SORCS2: variants seen among roughly 807,000 people sequenced by gnomAD.
The protein encoded by SORCS2 is sortilin related VPS10 domain containing receptor 2.
Under a neutral mutation model 141.6 loss-of-function variants are expected in SORCS2, and 100 were observed. The ratio of observed to expected loss-of-function variants is 0.71; its 90% CI spans 0.60 to 0.83. SORCS2 has a LOEUF of 0.83. Among genes scored for constraint, SORCS2 ranks in the 40% least tolerant of loss-of-function variants. The probability of loss-of-function intolerance (pLI) is 0.00; values close to 1 mark genes in which losing one functional copy is unlikely to be tolerated. For missense variants in SORCS2, 1,646 were observed against 1,560.2 expected (o/e 1.05, Z -0.93); for synonymous variants, 789 against 676.9 (o/e 1.17, Z -2.57).
chr4:7,495,890 T>C (rs1731586447), intron 2 of SORCS2, among the ~76,000 whole-genome samples: 1 of 152,156 alleles, frequency 6.6e-6, no homozygotes, highest in Admixed American at 6.5e-5. Flanking sequence ...GGTGCCTGCA[T>C]GCTTTACCTG....
intron 1 of SORCS2, among the ~76,000 whole-genome samples, chr4:7,374,981 A>G (rs533274378): frequency 6.6e-6 from 1 of 152,256 alleles, no homozygotes; most frequent in Non-Finnish European, 1.5e-5. Context: ...GCAAATTGAC[A>G]TTTGTATCCT....
At chr4:7,730,595 G>A (rs1711584092) in intron 23 of SORCS2, among the ~76,000 whole-genome samples, 1 of 152,176 alleles carries the variant, frequency 6.6e-6, no homozygotes, top group Non-Finnish European at 1.5e-5. Context: ...CAGCATGGAC[G>A]AACCTTGAAA....
intron 1 of SORCS2, among the ~76,000 whole-genome samples, chr4:7,250,635 A>C (rs1166037450): frequency 6.6e-6 from 1 of 152,246 alleles, no homozygotes; most frequent in Non-Finnish European, 1.5e-5. Flanking sequence ...GTGTATGAAC[A>C]AGAAAAGGAC....
At chr4:7,524,711 C>G (rs1325996953) in intron 2 of SORCS2, among the ~76,000 whole-genome samples, 1 of 151,976 alleles carries the variant, frequency 6.6e-6, no homozygotes, top group Non-Finnish European at 1.5e-5. Context: ...GCCTCCTTAA[C>G]CGCATCTCTC....
intron 3 of SORCS2, among the ~76,000 whole-genome samples, chr4:7,590,075 G>A (rs1375835979): frequency 6.6e-6 from 1 of 152,172 alleles, no homozygotes; most frequent in African/African-American, 2.4e-5. Flanking sequence ...CTGTTGCAAA[G>A]GTCTGTCTCT....
At chr4:7,355,554 G>C (rs549192920) in intron 1 of SORCS2, among the ~76,000 whole-genome samples, 2 of 152,094 alleles carry the variant, frequency 1.3e-5, no homozygotes, top group African/African-American at 4.8e-5. Flanking sequence ...TGGCTCTGCC[G>C]TCCCCAGGGG....
chr4:7,211,285 G>C (rs1577279842), intron 1 of SORCS2, among the ~76,000 whole-genome samples: 2 of 152,116 alleles, frequency 1.3e-5, no homozygotes, highest in South Asian at 4.1e-4. Context: ...GCAGAGTTCA[G>C]GGATGGCAAG....
At chr4:7,355,669 G>A (rs751189579) in intron 1 of SORCS2, among the ~76,000 whole-genome samples, 13 of 152,280 alleles carry the variant, frequency 8.5e-5, no homozygotes, top group Non-Finnish European at 1.0e-4. Context: ...GGCAGCTTTG[G>A]AGCCTAGGGT....
intron 2 of SORCS2, among the ~76,000 whole-genome samples, chr4:7,410,194 A>G (rs1376156422): frequency 6.6e-6 from 1 of 152,236 alleles, no homozygotes; most frequent in East Asian, 1.9e-4. Context: ...ATAATGTTGG[A>G]GCAAACAAAG....
intron 1 of SORCS2, among the ~76,000 whole-genome samples, chr4:7,256,873 G>C (rs1713918147): frequency 6.6e-6 from 1 of 152,090 alleles, no homozygotes; most frequent in South Asian, 2.1e-4. Context: ...ATGGGTTTGG[G>C]ATCCAAGTGA....
intron 1 of SORCS2, among the ~76,000 whole-genome samples, chr4:7,285,230 A>G (rs2108866685): frequency 6.6e-6 from 1 of 151,924 alleles, no homozygotes; most frequent in Non-Finnish European, 1.5e-5. Flanking sequence ...ATGAGGTTTC[A>G]CCATGTTGGT....
At chr4:7,404,614 A>G (rs182039801) in intron 2 of SORCS2, among the ~76,000 whole-genome samples, 3 of 152,156 alleles carry the variant, frequency 2.0e-5, no homozygotes, top group Admixed American at 6.5e-5. Flanking sequence ...GATGTTGAGC[A>G]TTTTTTCATC....
chr4:7,320,117 A>G (rs1356706554), intron 1 of SORCS2, among the ~76,000 whole-genome samples: 1 of 150,988 alleles, frequency 6.6e-6, no homozygotes, highest in Non-Finnish European at 1.5e-5. Context: ...AGCCTGGGCA[A>G]AATAGCAAGA....
At chr4:7,375,979 AG>A (rs1722618711) in intron 1 of SORCS2, among the ~76,000 whole-genome samples, 1 of 152,208 alleles carries the variant, frequency 6.6e-6, no homozygotes, top group Non-Finnish European at 1.5e-5. Context: ...AGATTAAATG[AG>A]GTGAATGCTT....
intron 1 of SORCS2, among the ~76,000 whole-genome samples, chr4:7,247,711 G>A (rs77987450): frequency 0.016 from 2,361 of 152,302 alleles, 66 homozygotes; most frequent in African/African-American, 0.054. Flanking sequence ...CGGCCTGGGG[G>A]ACCTGGCGAC....
At chr4:7,695,586 TGGTGGGTG>T (rs1560490153) in intron 11 of SORCS2, among the ~76,000 whole-genome samples, 1 of 2,096 alleles carries the variant, frequency 4.8e-4, no homozygotes, top group African/African-American at 2.0e-3. Flanking sequence ...ATGGATGGAT[TGGTGGGTG>T]GGTGGGTGGA....
intron 3 of SORCS2, among the ~76,000 whole-genome samples, chr4:7,610,033 T>G (rs1489372427): frequency 2.6e-5 from 4 of 152,200 alleles, no homozygotes; most frequent in Non-Finnish European, 5.9e-5. Context: ...ATGAGGTTGA[T>G]GATTAGCTCA....
intron 23 of SORCS2, 109 bp from the exon 24 acceptor site, chr4:7,733,213 A>T (rs1233887643): frequency 3.2e-6 from 1 of 312,638 alleles, no homozygotes; most frequent in African/African-American, 3.5e-5. Context: ...GACCCCCCCA[A>T]CACGTGGAGA....
chr4:7,501,559 G>T (rs908743975), intron 2 of SORCS2, among the ~76,000 whole-genome samples: 11 of 152,146 alleles, frequency 7.2e-5, no homozygotes, highest in African/African-American at 2.7e-4. Flanking sequence ...TTAGCACTTT[G>T]CTTCATGCCA....
Sources: gnomAD v4.1 joint callset for allele counts (sites outside exome capture counted in the v4.1 genomes callset) on GRCh38, gnomAD v4.1.1 for gene constraint, MANE v1.5 for transcripts, NCBI Gene and HGNC (gene_info 2026-07-23, HGNC 2026-07-21) for gene names.